The following LMBR1 variants were observed in gnomAD, a reference collection of about 807,000 sequenced individuals.
LMBR1 encodes limb development membrane protein 1, also known as limb region 1 protein homolog.
A neutral mutation model predicts 73.9 loss-of-function variants in LMBR1; 52 were observed. The ratio of observed to expected loss-of-function variants is 0.70; its 90% confidence interval spans 0.56 to 0.89. LMBR1 has a LOEUF of 0.89. Among genes scored for constraint, LMBR1 ranks in the 40% least tolerant of loss-of-function variants. The pLI, the probability that LMBR1 is intolerant of heterozygous loss-of-function variation, is 0.00. For synonymous variants in LMBR1, 215 were observed against 209.4 expected, an observed-to-expected ratio of 1.03 and a Z score of -0.23; for missense variants, 539 against 579.8, an observed-to-expected ratio of 0.93 and a Z score of 0.72.
At chr7:156,800,984 A>G (rs765894672) in intron 4 of LMBR1, among the ~76,000 whole-genome samples, 2 of 152,250 alleles carry the variant, frequency 1.3e-5, no homozygotes, top group Non-Finnish European at 2.9e-5. Context: ...ATGAACAAAG[A>G]AAGTGGTTTC....
chr7:156,670,663 TTCCCAG>T lies in LMBR1; in HGVS notation n.867-1382_867-1377del. Among the ~76,000 whole-genome samples the T allele has an allele frequency of 6.6e-6, 1 of 152,160 alleles. No individual in the cohort carries two copies. The highest frequency in any genetic ancestry group is 1.9e-4 in the East Asian group (1 of 5,194). ...ATGGCAAACCCTGGGACCTGCAGAT[TTCCCAG>T]TGGGAGCGGCAGAAGGTGAGATGGC... is the stretch of plus-strand genomic sequence containing the variant. On this transcript the variant is annotated intron_variant and non_coding_transcript_variant, in intron 4 of 4. Coordinates refer to the LMBR1 transcript ENST00000430825. This position sits in a 1 kb window ranked among gnomAD's most constrained non-coding sequence, Gnocchi z 4.3.
At chr7:156,699,436 T>G (rs891465442) in intron 15 of LMBR1, among the ~76,000 whole-genome samples, 1 of 151,478 alleles carries the variant, frequency 6.6e-6, no homozygotes, top group African/African-American at 2.4e-5. Flanking sequence ...ATGTTAGACC[T>G]AAAACCATAA....
rs371734470 is a variant in LMBR1, at chr7:156,762,846, A to AGAGTGTGT, written c.619+261_619+262insACACACTC. On this transcript the variant is annotated intron_variant, in intron 7 of 16. Coordinates refer to ENST00000353442, the MANE Select transcript of LMBR1 (RefSeq NM_022458.4). ...GAGTGTGTGAAAGTGTGTGAGTGTG[A>AGAGTGTGT]GTGTGTGTGTGTGTGTGTGTGTGTG... Among the ~76,000 whole-genome samples the AGAGTGTGT allele has an allele frequency of 3.8e-4, 56 of 148,628 alleles. 1 individual carries two copies. Among genetic ancestry groups the AGAGTGTGT allele is most frequent in the African/African-American group, 1.4e-3 (56 of 40,466 alleles).
intron 4 of LMBR1, among the ~76,000 whole-genome samples, chr7:156,797,311 A>G (rs551132491): frequency 6.6e-6 from 1 of 152,328 alleles, no homozygotes; most frequent in East Asian, 1.9e-4. Flanking sequence ...GTCAGATCAT[A>G]TTTTTTACAG....
At chr7:156,703,897 G>A (rs1436481457) in intron 15 of LMBR1, among the ~76,000 whole-genome samples, 1 of 152,108 alleles carries the variant, frequency 6.6e-6, no homozygotes, top group Non-Finnish European at 1.5e-5. Context: ...AAATCCTGTT[G>A]TACCCACTGT....
intron 1 of LMBR1, among the ~76,000 whole-genome samples, chr7:156,860,465 G>A (rs1797576906): frequency 6.6e-6 from 1 of 152,134 alleles, no homozygotes; most frequent in South Asian, 2.1e-4. Flanking sequence ...AATTCAAGAT[G>A]AGATTTGGTA....
At chr7:156,766,964 TA>T (rs1198872281) in intron 5 of LMBR1, among the ~76,000 whole-genome samples, 1 of 152,176 alleles carries the variant, frequency 6.6e-6, no homozygotes, top group African/African-American at 2.4e-5. Flanking sequence ...GACCAATGCC[TA>T]AACTGATGTC....
At chr7:156,832,389 G>A (rs1045708357) in intron 3 of LMBR1, among the ~76,000 whole-genome samples, 2 of 152,248 alleles carry the variant, frequency 1.3e-5, no homozygotes, top group East Asian at 3.9e-4. Context: ...CATTCACAAT[G>A]TTGCACAATC....
At chr7:156,800,661 T>C (rs1308311731) in intron 4 of LMBR1, among the ~76,000 whole-genome samples, 1 of 152,216 alleles carries the variant, frequency 6.6e-6, no homozygotes, top group Non-Finnish European at 1.5e-5. Context: ...AGTCATATTA[T>C]TTAAGATACA....
At chr7:156,805,434 T>G (rs1245953205) in intron 4 of LMBR1, among the ~76,000 whole-genome samples, 1 of 152,138 alleles carries the variant, frequency 6.6e-6, no homozygotes, top group Non-Finnish European at 1.5e-5. Context: ...CAGGCTTGTC[T>G]CGAACTCCTG....
intron 1 of LMBR1, among the ~76,000 whole-genome samples, chr7:156,886,614 C>A (rs962582507): frequency 6.6e-6 from 1 of 152,136 alleles, no homozygotes; most frequent in Non-Finnish European, 1.5e-5. Flanking sequence ...GCTTGTGGAA[C>A]AGGAGAGTGG....
Position 156,858,061 on chromosome 7 carries a change from TCCAAAGTA to T in LMBR1, c.67-21184_67-21177del, listed in dbSNP as rs1271026847. ...CTAGAAAAAAAAAGAGCAAAGTAAT[TCCAAAGTA>T]AGCAAAAAAAAAAAAAAAAAGTTTA... On this transcript the variant is annotated intron_variant, in intron 1 of 16. Transcript: ENST00000353442. Among the ~76,000 whole-genome samples the T allele has an allele frequency of 4.2e-4, 48 of 114,650 alleles. 1 individual carries two copies. The East Asian group carries it at 0.011, about 26-fold the overall frequency. The allele number at this position is 114,650 out of a possible 152,430, so 75.2% of individuals were successfully genotyped here.
At chr7:156,853,756 A>G (rs1220236042) in intron 1 of LMBR1, among the ~76,000 whole-genome samples, 1 of 151,970 alleles carries the variant, frequency 6.6e-6, no homozygotes, top group East Asian at 1.9e-4. Flanking sequence ...CCTGGGTTCA[A>G]GGAATTCTCC....
At chr7:156,687,660 G>A (rs1806259181) in intron 16 of LMBR1, among the ~76,000 whole-genome samples, 1 of 152,050 alleles carries the variant, frequency 6.6e-6, no homozygotes, top group Non-Finnish European at 1.5e-5. Flanking sequence ...TTAACTAAAA[G>A]GTATTATTAC....
chr7:156,712,325 G>A (rs2132204228), intron 15 of LMBR1, among the ~76,000 whole-genome samples: 1 of 152,218 alleles, frequency 6.6e-6, no homozygotes, highest in East Asian at 1.9e-4. Context: ...TCTTACATCA[G>A]TCAGAATGGC....
chr7:156,724,017 A>C (rs1815179138), intron 15 of LMBR1, 95 bp downstream of exon 15: 1 of 848,162 alleles, frequency 1.2e-6, no homozygotes, highest in South Asian at 1.7e-5. Flanking sequence ...ACTGTATTTC[A>C]AAGGTAATCT....
downstream of LMBR1, chr7:156,675,682 CGCCT>C (rs1563103777): frequency 1.2e-6 from 2 of 1,600,624 alleles, no homozygotes; most frequent in African/African-American, 1.3e-5. Flanking sequence ...TACCCGCCCC[CGCCT>C]CCTCCTCAGT....
chr7:156,819,513 A>G (rs1323042994), intron 4 of LMBR1, among the ~76,000 whole-genome samples: 1 of 152,230 alleles, frequency 6.6e-6, no homozygotes, highest in Non-Finnish European at 1.5e-5. Context: ...TTTCAACATG[A>G]AAGTACTAGA....
intron 4 of LMBR1, among the ~76,000 whole-genome samples, chr7:156,800,482 CAAAAAAA>C: frequency 1.2e-5 from 1 of 81,040 alleles, no homozygotes; most frequent in Non-Finnish European, 2.4e-5. Context: ...ACTTGCTACT[CAAAAAAA>C]AAAAAAAAAA....
Sources: allele counts gnomAD v4.1 joint callset (sites outside exome capture counted in the v4.1 genomes callset), GRCh38; gene constraint gnomAD v4.1.1; non-coding constraint Gnocchi (gnomAD v3.1); transcripts MANE v1.5; gene names NCBI Gene and HGNC (gene_info 2026-07-23, HGNC 2026-07-21).